Variants in TASP1 observed in about 807,000 individuals in gnomAD.
The protein encoded by TASP1 is threonine aspartase 1.
In TASP1, 16 loss-of-function variants were observed where a neutral mutation model predicts 56.6. That is an observed-to-expected ratio of 0.28 (90% confidence interval 0.19 to 0.43). The LOEUF is 0.43. TASP1 is among the 20% of genes least tolerant of loss of function. The pLI is 1.00. For missense variants in TASP1, 393 were observed against 511.6 expected (o/e 0.77, Z 2.24); for synonymous variants, 179 against 184.2 (o/e 0.97, Z 0.23).
At chr20:13,224,101 A>G in the TASP1 span, among the ~76,000 whole-genome samples, 59 of 152,186 alleles carry the variant, frequency 3.9e-4, no homozygotes, top group African/African-American at 1.3e-3. Flanking sequence ...TGCTCCTAGA[A>G]ATATCTTGAG....
intron 13 of TASP1, among the ~76,000 whole-genome samples, chr20:13,403,786 G>A (rs2041823351): frequency 6.6e-6 from 1 of 152,150 alleles, no homozygotes; most frequent in African/African-American, 2.4e-5. Flanking sequence ...GGAGGCTGAG[G>A]CTGGAGGATC....
intron 4 of TASP1, among the ~76,000 whole-genome samples, chr20:13,616,466 T>C (rs1479783242): frequency 3.3e-5 from 5 of 152,048 alleles, no homozygotes; most frequent in Admixed American, 2.0e-4. Context: ...ACATACCTCA[T>C]CAAGAAATGG....
the TASP1 span, among the ~76,000 whole-genome samples, chr20:13,295,788 C>T: frequency 6.6e-6 from 1 of 152,290 alleles, no homozygotes; most frequent in African/African-American, 2.4e-5. Flanking sequence ...GCTTGTCGGG[C>T]GGTTCCCCTA....
the TASP1 span, among the ~76,000 whole-genome samples, chr20:13,246,883 C>T: frequency 1.2e-4 from 18 of 149,548 alleles, no homozygotes; most frequent in African/African-American, 4.4e-4. Flanking sequence ...ATCCTTCTCT[C>T]TTTTTTTTTT....
the TASP1 span, chr20:13,169,031 G>A: frequency 6.6e-6 from 1 of 151,964 alleles, no homozygotes; most frequent in Non-Finnish European, 1.5e-5. Flanking sequence ...TGAAACATTT[G>A]AAACGACCAA....
chr20:13,174,794 CTT>C, the TASP1 span, among the ~76,000 whole-genome samples: 1 of 152,050 alleles, frequency 6.6e-6, no homozygotes, highest in South Asian at 2.1e-4. Context: ...GTACAGGTCT[CTT>C]TGATATGGTT....
chr20:13,352,760 C>A, the TASP1 span, among the ~76,000 whole-genome samples: 1 of 152,128 alleles, frequency 6.6e-6, no homozygotes, highest in Non-Finnish European at 1.5e-5. Flanking sequence ...ACCATTGAAC[C>A]AGTGTTTTAA....
At chr20:13,501,961 G>GA (rs1387982162) in intron 10 of TASP1, among the ~76,000 whole-genome samples, 2 of 151,924 alleles carry the variant, frequency 1.3e-5, no homozygotes, top group African/African-American at 4.8e-5. Context: ...TGTCAATTAT[G>GA]AAAGTGTCAA....
chr20:13,543,513 A>G, intron 8 of TASP1, among the ~76,000 whole-genome samples: 1 of 152,204 alleles, frequency 6.6e-6, no homozygotes. Context: ...AGGCAAGAGA[A>G]TAGCCTGAAC....
At chr20:13,187,812 A>G in the TASP1 span, among the ~76,000 whole-genome samples, 1 of 152,122 alleles carries the variant, frequency 6.6e-6, no homozygotes, top group Non-Finnish European at 1.5e-5. Context: ...CTAAAGAAGA[A>G]CAAGGATAAG....
chr20:13,202,990 A>G, the TASP1 span, among the ~76,000 whole-genome samples: 10 of 152,364 alleles, frequency 6.6e-5, no homozygotes, highest in Admixed American at 5.2e-4. Flanking sequence ...GCTAAACTTA[A>G]TTTAACACAA....
the TASP1 span, among the ~76,000 whole-genome samples, chr20:13,227,723 T>C: frequency 6.6e-6 from 1 of 151,724 alleles, no homozygotes; most frequent in African/African-American, 2.4e-5. Context: ...TTAGCCAGGA[T>C]GGTCTCGATC....
chr20:13,626,683 C>A (rs2048903660), intron 2 of TASP1, among the ~76,000 whole-genome samples: 1 of 152,140 alleles, frequency 6.6e-6, no homozygotes, highest in African/African-American at 2.4e-5. Flanking sequence ...TGAACATTCA[C>A]AGAGCCTGTG....
At chr20:13,452,038 T>C (rs898968787) in intron 11 of TASP1, among the ~76,000 whole-genome samples, 3 of 152,058 alleles carry the variant, frequency 2.0e-5, no homozygotes, top group African/African-American at 7.2e-5. Context: ...CATACACATT[T>C]ATTACACACA....
rs148485959 is a variant in TASP1, at chr20:13,608,732, G to A, written c.282+14714C>T. Among the ~76,000 whole-genome samples, 6 of 152,340 alleles carry A rather than the reference G, an allele frequency of 3.9e-5. No individual in the cohort carries two copies. The East Asian group carries it at 5.8e-4, about 15-fold the overall frequency. ...GCAGGCCATTCAAAACCAGGCATCT[G>A]GCCAGATTTGGCTTTCTGGCCATAG... On this transcript the variant is annotated intron_variant, in intron 4 of 13. Coordinates refer to ENST00000337743, the MANE Select transcript of TASP1 (RefSeq NM_017714.3).
chr20:13,289,046 A>G, the TASP1 span, among the ~76,000 whole-genome samples: 1 of 152,144 alleles, frequency 6.6e-6, no homozygotes, highest in African/African-American at 2.4e-5. Flanking sequence ...TCAGCCTCCC[A>G]AGGTGCTGGG....
chr20:13,263,772 G>A, the TASP1 span, among the ~76,000 whole-genome samples: 16 of 152,192 alleles, frequency 1.1e-4, no homozygotes, highest in Admixed American at 8.5e-4. Flanking sequence ...AAGCATTGTC[G>A]ATAATAATAT....
the TASP1 span, among the ~76,000 whole-genome samples, chr20:13,195,087 C>T: frequency 6.6e-6 from 1 of 152,094 alleles, no homozygotes; most frequent in East Asian, 1.9e-4. Context: ...ATGGTAAAAC[C>T]TACTCAATCC....
intron 4 of TASP1, chr20:13,614,901 G>A (rs924361798): frequency 1.5e-5 from 7 of 453,262 alleles, no homozygotes; most frequent in Non-Finnish European, 3.2e-5. Context: ...GACAAATGTA[G>A]CTGTTTCTCC....
Sources: allele counts gnomAD v4.1 joint callset (sites outside exome capture counted in the v4.1 genomes callset), GRCh38; gene constraint gnomAD v4.1.1; transcripts MANE v1.5; gene names NCBI Gene and HGNC (gene_info 2026-07-23, HGNC 2026-07-21).